Variants in UNC80 observed in about 807,000 individuals in gnomAD.
UNC80 encodes unc-80 subunit of NALCN channel complex.
UNC80 carries 164 observed loss-of-function variants against 384.6 expected under a neutral mutation model. The ratio of observed to expected loss-of-function variants is 0.43; its 90% CI spans 0.38 to 0.49. The LOEUF is 0.49. UNC80 is among the 20% of genes least tolerant of loss of function. The pLI, the probability that UNC80 is intolerant of heterozygous loss-of-function variation, is 0.00. For synonymous variants in UNC80, 1,486 were observed against 1,527.8 expected (o/e 0.97, Z 0.64); for missense variants, 3,330 against 4,143.0 (o/e 0.80, Z 5.39).
At chr2:209,958,322 C>T (rs573793576) in intron 49 of UNC80, among the ~76,000 whole-genome samples, 7 of 152,254 alleles carry the variant, frequency 4.6e-5, no homozygotes, top group African/African-American at 1.4e-4. Flanking sequence ...TTAGCTTCCT[C>T]CTACAAGGAA....
At chr2:209,825,177 C>T (rs2080423331) in intron 13 of UNC80, among the ~76,000 whole-genome samples, 1 of 152,140 alleles carries the variant, frequency 6.6e-6, no homozygotes, top group African/African-American at 2.4e-5. Context: ...CTGCATCATT[C>T]CTTAGCAACT....
At position 209,872,621 on chromosome 2, in the gene UNC80, C is replaced by A; in HGVS notation, c.3628-137C>A. ...ACTGTGTTGGCCATACTGACACCACCCTGGGAAATATGGCCAATATAAATC... is the reference window on the plus strand; with the variant it reads ...ACTGTGTTGGCCATACTGACACCACACTGGGAAATATGGCCAATATAAATC... On this transcript the variant is annotated intron_variant, in intron 22 of 64. Coordinates refer to ENST00000673920, the MANE Select transcript of UNC80 (RefSeq NM_001371986.1). This position sits in a 1 kb window ranked among gnomAD's most constrained non-coding sequence, Gnocchi z 4.1. 1.2e-6 allele frequency: 1 copy of A among 819,302 alleles called. No homozygotes were observed. The highest frequency in any genetic ancestry group is 1.9e-6 in the Non-Finnish European group (1 of 520,254). The allele number at this position is 819,302 out of a possible 1,614,324, so 50.8% of individuals were successfully genotyped here. A position where few individuals can be genotyped will look rare whatever the true frequency, so the allele number is the denominator to read the frequency against.
chr2:209,829,790 A>G, intron 15 of UNC80, among the ~76,000 whole-genome samples: 1 of 152,242 alleles, frequency 6.6e-6, no homozygotes, highest in East Asian at 1.9e-4. Context: ...ACAGTGCCTG[A>G]CAATTTTTTC....
intron 7 of UNC80, among the ~76,000 whole-genome samples, chr2:209,811,049 G>T (rs1369678634): frequency 6.6e-6 from 1 of 152,100 alleles, no homozygotes; most frequent in African/African-American, 2.4e-5. Flanking sequence ...ATGGGTGGGC[G>T]AAGGGAGAGC....
intron 60 of UNC80, 187 bp downstream of exon 60, chr2:209,982,504 A>G (rs2093180566): frequency 3.3e-6 from 2 of 613,946 alleles, no homozygotes; most frequent in African/African-American, 3.8e-5. Flanking sequence ...TTCTAAGCCA[A>G]GCTAGTAGAA....
At chr2:209,993,965 A>G (rs917714311) in intron 63 of UNC80, 100 bp from the exon 64 acceptor site, 3 of 1,065,974 alleles carry the variant, frequency 2.8e-6, no homozygotes, top group Non-Finnish European at 2.6e-6. Flanking sequence ...TTTTTATTTT[A>G]AAAAATCCCC....
At chr2:209,833,360 C>G (rs148620297) in intron 16 of UNC80, among the ~76,000 whole-genome samples, 1,804 of 150,498 alleles carry the variant, frequency 0.012, 37 homozygotes, top group African/African-American at 0.04. Flanking sequence ...AGCTTAATTT[C>G]TCAAGTAAAA....
chr2:209,879,072 C>T (rs2085042969), intron 24 of UNC80, among the ~76,000 whole-genome samples: 1 of 151,888 alleles, frequency 6.6e-6, no homozygotes, highest in African/African-American at 2.4e-5. Flanking sequence ...CATGTTACCC[C>T]TTCTAAGACC....
At chr2:209,974,714 G>T (rs2092965680) in intron 56 of UNC80, among the ~76,000 whole-genome samples, 1 of 152,238 alleles carries the variant, frequency 6.6e-6, no homozygotes, top group African/African-American at 2.4e-5. Context: ...GGCCCAGAAA[G>T]GTTGAGTAAC....
At chr2:209,797,887 T>G (rs10184616) in intron 7 of UNC80, among the ~76,000 whole-genome samples, 83,537 of 152,074 alleles carry the variant, frequency 0.55, 23,570 homozygotes, top group Admixed American at 0.62. Flanking sequence ...TTGTGGTTTT[T>G]ATTTGCATTT....
Position 209,970,946 on chromosome 2 carries a change from T to C in UNC80, c.8245T>C (p.Leu2749=). The change falls in exon 54 of 65, where the codon TTG becomes CTG. Residue 2749 remains leucine, a synonymous_variant. Coordinates refer to ENST00000673920, the MANE Select transcript of UNC80 (RefSeq NM_001371986.1). ...FSTAVVRLVA[L]QIQALKEDFP... is the part of the protein sequence containing the mutation. Reference sequence around the variant, plus strand: ...CACAGCTGTTGTCCGGCTTGTAGCATTGCAGATACAGGTGTGACTGCCTTA... The same window carrying C: ...CACAGCTGTTGTCCGGCTTGTAGCACTGCAGATACAGGTGTGACTGCCTTA... 1 of 1,551,850 alleles carries C rather than the reference T, an allele frequency of 6.4e-7. No individual in the cohort carries two copies. The highest frequency in any genetic ancestry group is 8.7e-7 in the Non-Finnish European group (1 of 1,146,958).
intron 31 of UNC80, among the ~76,000 whole-genome samples, chr2:209,915,439 A>G (rs1449528868): frequency 2.0e-5 from 3 of 150,926 alleles, no homozygotes; most frequent in Admixed American, 6.6e-5. Flanking sequence ...AACTGGGTGA[A>G]TGTGGACGTG....
chr2:209,887,201 T>A (rs1303656851), intron 25 of UNC80, among the ~76,000 whole-genome samples: 3 of 151,920 alleles, frequency 2.0e-5, no homozygotes, highest in Admixed American at 2.0e-4. Flanking sequence ...CTCGCCCGGC[T>A]AATTTTGTAT....
intron 39 of UNC80, among the ~76,000 whole-genome samples, chr2:209,935,329 A>T (rs1303881251): frequency 6.6e-6 from 1 of 152,198 alleles, no homozygotes; most frequent in Admixed American, 6.5e-5. Flanking sequence ...AGGTAGAAGT[A>T]TTGAGAACTT....
chr2:209,831,977 A>G (rs946225668), intron 16 of UNC80, among the ~76,000 whole-genome samples: 8 of 152,220 alleles, frequency 5.3e-5, no homozygotes, highest in African/African-American at 1.9e-4. Flanking sequence ...TAATGCAAAT[A>G]TGTTGCTGAA....
intron 22 of UNC80, among the ~76,000 whole-genome samples, chr2:209,865,132 C>G (rs1341302103): frequency 2.0e-5 from 3 of 152,350 alleles, no homozygotes; most frequent in South Asian, 4.1e-4. Context: ...CCGCACCACA[C>G]TGCTTTTCTT....
chr2:209,887,329 G>C (rs186705941), intron 25 of UNC80, among the ~76,000 whole-genome samples: 13 of 152,118 alleles, frequency 8.5e-5, no homozygotes, highest in Non-Finnish European at 1.5e-4. Context: ...GTGAGCCACC[G>C]AGCCCGGCCC....
Position 209,867,622 on chromosome 2 carries a change from G to C in UNC80, c.3628-5136G>C, listed in dbSNP as rs528881160. Reference sequence around the variant, plus strand: ...AGGGTGGCTCCTTCCTGAGATCCTGGCTTTATGTCAGAGGAGTACATGTCC... The same window carrying C: ...AGGGTGGCTCCTTCCTGAGATCCTGCCTTTATGTCAGAGGAGTACATGTCC... On this transcript the variant is annotated intron_variant, in intron 22 of 64. Coordinates refer to ENST00000673920, the MANE Select transcript of UNC80 (RefSeq NM_001371986.1). 2.0e-5 allele frequency among the ~76,000 whole-genome samples: 3 copies of C among 151,972 alleles called. No homozygotes were observed. In the South Asian group the frequency reaches 6.3e-4, roughly 32 times the overall value.
At chr2:209,974,640 C>T (rs1432782137) in intron 56 of UNC80, among the ~76,000 whole-genome samples, 2 of 152,256 alleles carry the variant, frequency 1.3e-5, no homozygotes, top group Non-Finnish European at 2.9e-5. Context: ...ACATTGAATC[C>T]TCTCATCTTC....
Sources: gnomAD v4.1 joint callset for allele counts (sites outside exome capture counted in the v4.1 genomes callset) on GRCh38, gnomAD v4.1.1 for gene constraint, Gnocchi (gnomAD v3.1) non-coding constraint, MANE v1.5 for transcripts, NCBI Gene and HGNC (gene_info 2026-07-23, HGNC 2026-07-21) for gene names.